Variants in IL21R observed in about 807,000 individuals in gnomAD.
IL21R encodes the protein interleukin 21 receptor.
In IL21R, 14 loss-of-function variants were observed where a neutral mutation model predicts 41.3. That is an observed-to-expected ratio of 0.34 (90% CI 0.22 to 0.53). The LOEUF is 0.53. IL21R is among the 20% of genes least tolerant of loss of function. The pLI is 0.94. For missense variants in IL21R, 588 were observed against 681.6 expected (o/e 0.86, Z 1.53); for synonymous variants, 286 against 287.6 (o/e 0.99, Z 0.05).
rs2087574849 is a variant in IL21R at position 27,450,552 on chromosome 16, GA to G, written c.*1273del. On this transcript the variant is annotated 3_prime_UTR_variant, in exon 9 of 9. Transcript: ENST00000337929. ...GTTGAAATGTGAATTAAGAAGCTAAGAAAATATTTCTTAGCAACATTTTCTT... is the reference window on the plus strand; with the variant it reads ...GTTGAAATGTGAATTAAGAAGCTAAGAAATATTTCTTAGCAACATTTTCTT... The G allele has an allele frequency of 4.5e-6, 1 of 221,932 alleles. No individual in the cohort carries two copies. The highest frequency in any genetic ancestry group is 6.5e-5 in the East Asian group (1 of 15,338). The allele number at this position is 221,932 out of a possible 1,614,324, so 13.7% of individuals were successfully genotyped here. A position where few individuals can be genotyped will look rare whatever the true frequency, so the allele number is the denominator to read the frequency against.
At chr16:27,445,302 G>A (rs1049562201) in intron 7 of IL21R, 26 bp downstream of exon 7, 7 of 1,527,196 alleles carry the variant, frequency 4.6e-6, no homozygotes, top group Non-Finnish European at 6.4e-6. Context: ...GAGGAAGGCA[G>A]GGAGGTGGTC....
rs1362594084 is a variant in IL21R at position 27,430,129 on chromosome 16, C to G, written c.49+9C>G. 2 of 1,602,184 alleles carry G rather than the reference C, an allele frequency of 1.2e-6. No homozygotes were observed. Among genetic ancestry groups the G allele is most frequent in the East Asian group, 2.2e-5 (1 of 44,848 alleles). ...GCTGCTGCTCCAGGGAGGTAAGTGG[C>G]TGCCCCGTGGTCTGCGGGTGGGGAG... On this transcript the variant is annotated intron_variant, in intron 2 of 8. Coordinates refer to ENST00000337929, the MANE Select transcript of IL21R (RefSeq NM_181078.3).
At chr16:27,428,545 C>T (rs561244652) in intron 1 of IL21R, among the ~76,000 whole-genome samples, 2 of 152,354 alleles carry the variant, frequency 1.3e-5, no homozygotes, top group South Asian at 2.1e-4. Context: ...GGGAGGGGCT[C>T]CTGAGTCTGG....
At chr16:27,414,941 T>C (rs1184192565) in intron 1 of IL21R, among the ~76,000 whole-genome samples, 2 of 152,188 alleles carry the variant, frequency 1.3e-5, no homozygotes, top group Non-Finnish European at 2.9e-5. Flanking sequence ...ATAAGGCGTC[T>C]GTTTGCAAAA....
rs200904384 is a variant in IL21R at position 27,434,474 on chromosome 16, C to G, written c.152+25C>G. 2,553 of 1,460,674 alleles carry G rather than the reference C, an allele frequency of 1.7e-3. 3 individuals are homozygous for G. Among genetic ancestry groups the G allele is most frequent in the Non-Finnish European group, 2.2e-3 (2,339 of 1,043,402 alleles). 90.5% of individuals were successfully genotyped at this position (1,460,674 alleles called of 1,614,324 possible). A position where few individuals can be genotyped will look rare whatever the true frequency, so the allele number is the denominator to read the frequency against. On this transcript the variant is annotated intron_variant, in intron 3 of 8. Coordinates refer to ENST00000337929, the MANE Select transcript of IL21R (RefSeq NM_181078.3). Reference sequence around the variant, plus strand: ...GGTAAGTAGCCGGGCCTCACCAGTCCCCGGGGATGCAATTCAGGGTGCCTG... The same window carrying G: ...GGTAAGTAGCCGGGCCTCACCAGTCGCCGGGGATGCAATTCAGGGTGCCTG...
rs2086676299 is a variant in IL21R at position 27,402,559 on chromosome 16, G to A, written c.-76G>A. 6.5e-6 allele frequency: 1 copy of A among 153,914 alleles called. No individual in the cohort carries two copies. The highest frequency in any genetic ancestry group is 1.4e-5 in the Non-Finnish European group (1 of 69,098). 9.5% of individuals were successfully genotyped at this position (153,914 alleles called of 1,614,324 possible). ...CTGAACCCAGCTGCCACCCCCAGAA[G>A]CCCATCAGACTGCCCCCAGCACACG... On this transcript the variant is annotated 5_prime_UTR_variant, in exon 1 of 9. Transcript: ENST00000337929.
At chr16:27,418,830 T>C (rs904571307) in intron 1 of IL21R, among the ~76,000 whole-genome samples, 1 of 151,752 alleles carries the variant, frequency 6.6e-6, no homozygotes, top group African/African-American at 2.4e-5. Flanking sequence ...AATATTTTTC[T>C]TTATATTCTT....
chr16:27,438,730 C>T (rs1392220914), intron 4 of IL21R, among the ~76,000 whole-genome samples: 1 of 151,968 alleles, frequency 6.6e-6, no homozygotes, highest in African/African-American at 2.4e-5. Context: ...ATTTGCCGGG[C>T]GTGGTGGCAC....
chr16:27,411,372 T>TACTAATC (rs1374086654), intron 1 of IL21R, among the ~76,000 whole-genome samples: 1 of 152,066 alleles, frequency 6.6e-6, no homozygotes, highest in East Asian at 1.9e-4. Context: ...CCCTGATGAT[T>TACTAATC]AGTGATATTG....
intron 4 of IL21R, among the ~76,000 whole-genome samples, chr16:27,438,958 G>A (rs1019727034): frequency 6.7e-6 from 1 of 150,132 alleles, no homozygotes; most frequent in Non-Finnish European, 1.5e-5. Flanking sequence ...GTGTGTGTAT[G>A]TGTGTACCCA....
intron 2 of IL21R, among the ~76,000 whole-genome samples, chr16:27,431,453 A>G (rs1167316011): frequency 1.3e-5 from 2 of 152,184 alleles, no homozygotes; most frequent in African/African-American, 4.8e-5. Flanking sequence ...AGACAGGTGC[A>G]TGGCCACACT....
intron 1 of IL21R, among the ~76,000 whole-genome samples, chr16:27,427,033 G>C (rs766728618): frequency 1.4e-4 from 21 of 152,096 alleles, no homozygotes; most frequent in Non-Finnish European, 2.9e-4. Context: ...GTCTCTAAGA[G>C]GTGACAAAGA....
rs1285969939 is a variant in IL21R, at chr16:27,443,056, GC to G, written c.448del (p.Leu150Ter). The G allele has an allele frequency of 1.2e-6, 2 of 1,613,942 alleles. No individual in the cohort carries two copies. ...ATTACGAAGACCCTGCCTTCTACAT[GC>G]TGAAGGGCAAGCTTCAGTATGAGCT... ...SDYEDPAFYM[L>X]KGKLQYELQY... On this transcript the variant is annotated frameshift_variant, in exon 5 of 9. Coordinates refer to ENST00000337929, the MANE Select transcript of IL21R (RefSeq NM_181078.3). LOFTEE classifies it high-confidence loss of function.
chr16:27,442,880 C>T, intron 4 of IL21R, 82 bp from the exon 5 acceptor site: 2 of 1,316,034 alleles, frequency 1.5e-6, no homozygotes, highest in African/African-American at 1.5e-5. Context: ...TGGGGGCAGG[C>T]AGGACTTCCT....
chr16:27,404,498 A>G (rs995789488), intron 1 of IL21R, among the ~76,000 whole-genome samples: 2 of 152,126 alleles, frequency 1.3e-5, no homozygotes, highest in African/African-American at 4.8e-5. Context: ...TTCTGGGAGG[A>G]ACCCACCTCT....
chr16:27,421,553 A>T (rs1313210581), intron 1 of IL21R, among the ~76,000 whole-genome samples: 1 of 152,116 alleles, frequency 6.6e-6, no homozygotes, highest in Non-Finnish European at 1.5e-5. Flanking sequence ...TTCATCTCAT[A>T]TTAACATAAC....
At chr16:27,440,529 T>C (rs762507858) in intron 4 of IL21R, among the ~76,000 whole-genome samples, 8 of 151,942 alleles carry the variant, frequency 5.3e-5, no homozygotes, top group Non-Finnish European at 8.8e-5. Flanking sequence ...CACCTCAGCC[T>C]CCCAAAGTGC....
At position 27,403,318 on chromosome 16, in the gene IL21R, C is replaced by T. The variant is rs544154800; in HGVS notation, c.-17+700C>T. ...GAAGGATGGGAAAGGAAGAACATTC[C>T]TGGTGGAGGAGCCCTGGGGAGCGGG... On this transcript the variant is annotated intron_variant, in intron 1 of 8. Coordinates refer to ENST00000337929, the MANE Select transcript of IL21R (RefSeq NM_181078.3). The T allele has an allele frequency of 1.3e-4, 150 of 1,185,578 alleles. 3 individuals carry two copies. The South Asian group carries it at 1.9e-3, about 15-fold the overall frequency. The allele number at this position is 1,185,578 out of a possible 1,614,324, so 73.4% of individuals were successfully genotyped here.
intron 1 of IL21R, among the ~76,000 whole-genome samples, chr16:27,407,681 C>T (rs1384802368): frequency 6.6e-6 from 1 of 152,120 alleles, no homozygotes. Context: ...CAAAGTTAGC[C>T]AAGCTTGGTA....
Sources: gnomAD v4.1 joint callset for allele counts (sites outside exome capture counted in the v4.1 genomes callset) on GRCh38, gnomAD v4.1.1 for gene constraint, MANE v1.5 for transcripts, NCBI Gene and HGNC (gene_info 2026-07-23, HGNC 2026-07-21) for gene names.